Variants in SEPTIN4 observed in about 807,000 individuals in gnomAD.
The protein encoded by SEPTIN4 is septin 4.
SEPTIN4 carries 52 observed loss-of-function variants against 107.1 expected under a neutral mutation model. That is an observed-to-expected ratio of 0.49 (90% CI 0.39 to 0.61). The LOEUF (loss-of-function observed/expected upper bound fraction) is 0.61. Ranked by LOEUF, SEPTIN4 falls within the 20% of genes least tolerant of loss-of-function variation. SEPTIN4 has a pLI of 0.00. For missense variants in SEPTIN4, 1,048 were observed against 1,243.5 expected (o/e 0.84, Z 2.36); for synonymous variants, 417 against 467.0 (o/e 0.89, Z 1.38).
At chr17:58,525,931 GCA>G in intron 5 of SEPTIN4, 150 bp from the exon 6 acceptor site, 1 of 853,806 alleles carries the variant, frequency 1.2e-6, no homozygotes, top group Non-Finnish European at 1.8e-6. Flanking sequence ...CTGGGAGGAA[GCA>G]CAGAGATTGG....
chr17:58,524,446 C>T (rs896136419), intron 7 of SEPTIN4: 1 of 152,152 alleles, frequency 6.6e-6, no homozygotes, highest in Non-Finnish European at 1.5e-5. Flanking sequence ...GTGTGCGGCA[C>T]CTAAAATGTT....
chr17:58,524,529 A>G (rs577586639), intron 7 of SEPTIN4: 1 of 151,504 alleles, frequency 6.6e-6, no homozygotes, highest in South Asian at 2.1e-4. Flanking sequence ...ACATGTTTTC[A>G]CACTTCACAT....
intron 3 of SEPTIN4, among the ~76,000 whole-genome samples, chr17:58,533,948 T>G (rs1209338170): frequency 6.6e-6 from 1 of 152,148 alleles, no homozygotes; most frequent in Non-Finnish European, 1.5e-5. Context: ...TATTATAACA[T>G]GCCCCTCCCC....
intron 5 of SEPTIN4, 122 bp downstream of exon 5, chr17:58,526,098 C>A: frequency 8.7e-7 from 1 of 1,144,800 alleles, no homozygotes. Context: ...GGCTGTTTTG[C>A]AAAACAGTAC....
rs539096619 is a variant in SEPTIN4, at chr17:58,528,225, G to A, written c.1615-1247C>T. 3 of 160,208 alleles carry A rather than the reference G, an allele frequency of 1.9e-5. No individual in the cohort carries two copies. The East Asian group carries it at 5.8e-4, about 31-fold the overall frequency. 9.9% of individuals were successfully genotyped at this position (160,208 alleles called of 1,614,324 possible). A position where few individuals can be genotyped will look rare whatever the true frequency, so the allele number is the denominator to read the frequency against. On this transcript the variant is annotated intron_variant, in intron 3 of 13. Transcript: ENST00000672673. ...AAGATAGCCACAGTCTTCCTGCAAA[G>A]GGAAGAATTGAGGGAGGCAGATATG...
chr17:58,537,283 G>C (rs569769417), intron 3 of SEPTIN4, among the ~76,000 whole-genome samples: 1 of 152,312 alleles, frequency 6.6e-6, no homozygotes, highest in African/African-American at 2.4e-5. Flanking sequence ...CACCTGTCCT[G>C]GTCTGCCCAG....
At chr17:58,525,425 G>T in intron 6 of SEPTIN4, 1 of 627,836 alleles carries the variant, frequency 1.6e-6, no homozygotes, top group South Asian at 2.0e-5. Flanking sequence ...CCTCTTCTCT[G>T]CTCCCGGTTT....
rs1226639066 is a variant in SEPTIN4 at position 58,543,813 on chromosome 17, G to A, written c.374C>T (p.Pro125Leu). ...HASSRQWKVS[P>L]PREEAARRGS... is the part of the protein sequence containing the mutation. ...TCTTCGTGCTGCTTCCTCTCTGGGT[G>A]GACTAACTTTCCATTGTCTGCTTGA... Residue 125 changes from proline (P) to leucine (L), a missense_variant, in exon 1 of 14, where the codon CCA becomes CTA. Physicochemically the swap from Pro to Leu is moderately conservative, Grantham distance 98. This residue lies in a region of SEPTIN4 where 787 missense variants were observed against 871.8 expected (regional missense o/e 0.90). Coordinates refer to ENST00000672673, the MANE Select transcript of SEPTIN4 (RefSeq NM_001368771.2). 1 of 1,614,162 alleles carries A rather than the reference G, an allele frequency of 6.2e-7. No individual in the cohort carries two copies. Among genetic ancestry groups the A allele is most frequent in the Admixed American group, 1.7e-5 (1 of 60,018 alleles).
At chr17:58,525,458 T>C in intron 6 of SEPTIN4, 1 of 611,570 alleles carries the variant, frequency 1.6e-6, no homozygotes, top group Non-Finnish European at 2.9e-6. Context: ...CCTGGAATCC[T>C]TGGGGGTCAG....
At position 58,525,194 on chromosome 17, in the gene SEPTIN4, G is replaced by T. The variant is rs2042712241; in HGVS notation, c.2100C>A (p.Ile700=). 6.2e-7 allele frequency: 1 copy of T among 1,613,786 alleles called. No individual in the cohort carries two copies. Among genetic ancestry groups the T allele is most frequent in the Non-Finnish European group, 8.5e-7 (1 of 1,180,022 alleles). The part of the protein sequence containing the change: ...DRKLLGAEER[I]MQTVEITKHA... ...GCTTAGTGATCTCCACAGTTTGCATGATCCTCTCTGGAGAAAGGGGAAACT... is the reference window on the plus strand; with the variant it reads ...GCTTAGTGATCTCCACAGTTTGCATTATCCTCTCTGGAGAAAGGGGAAACT... Residue 700 remains isoleucine, a synonymous_variant, in exon 7 of 14, where the codon ATC becomes ATA. Transcript: ENST00000672673.
At chr17:58,524,949 GA>G (rs1259571376) in intron 7 of SEPTIN4, 128 bp downstream of exon 7, 2 of 1,152,956 alleles carry the variant, frequency 1.7e-6, no homozygotes, top group African/African-American at 3.1e-5. Flanking sequence ...TCCAGTAAGG[GA>G]AGTCACATGC....
chr17:58,529,936 C>T (rs2043321555), intron 3 of SEPTIN4: 1 of 152,114 alleles, frequency 6.6e-6, no homozygotes, highest in South Asian at 2.1e-4. Context: ...TGACCTCTGA[C>T]TTATAGCAAC....
At chr17:58,526,164 C>A in intron 5 of SEPTIN4, 56 bp downstream of exon 5, 4 of 1,519,226 alleles carry the variant, frequency 2.6e-6, no homozygotes, top group Non-Finnish European at 3.5e-6. Context: ...CACGGACACA[C>A]ACACCATCCC....
chr17:58,531,919 C>T (rs879470189), intron 3 of SEPTIN4: 5 of 1,136,248 alleles, frequency 4.4e-6, no homozygotes, highest in Admixed American at 4.9e-5. Flanking sequence ...CCTGCGCACC[C>T]CAGCCCTGCC....
rs1338346161 is a variant in SEPTIN4, at chr17:58,543,429, T to G, written c.758A>C (p.Tyr253Ser). 6.2e-7 allele frequency: 1 copy of G among 1,614,222 alleles called. No individual in the cohort carries two copies. Among genetic ancestry groups the G allele is most frequent in the Non-Finnish European group, 8.5e-7 (1 of 1,180,034 alleles). ...CTTGGGTTTTGAAGGAATTGGACCGTAAGGACCTGTTTCTGATTCTTCTAC... is the reference window on the plus strand; with the variant it reads ...CTTGGGTTTTGAAGGAATTGGACCGGAAGGACCTGTTTCTGATTCTTCTAC... ...VPVEESETGP[Y>S]GPIPSKPKAL... The change falls in exon 1 of 14, where the codon TAC (tyrosine) becomes TCC (serine). Residue 253 changes from tyrosine to serine, a missense_variant. Tyr to Ser is a moderately radical substitution (Grantham distance 144). Around this residue, in one of 2 missense-constraint regions of SEPTIN4, gnomAD observed 787 missense variants for 871.8 expected, o/e 0.90. Transcript: ENST00000672673.
Position 58,543,435 on chromosome 17 carries a change from C to T in SEPTIN4, c.752G>A (p.Gly251Asp), listed in dbSNP as rs1297730201. The change falls in exon 1 of 14, where the codon GGT becomes GAT. Residue 251 changes from glycine to aspartate, a missense_variant. Gly to Asp is a moderately conservative substitution (Grantham distance 94, BLOSUM62 -1). Coordinates refer to ENST00000672673, the MANE Select transcript of SEPTIN4 (RefSeq NM_001368771.2). ...TTTTGAAGGAATTGGACCGTAAGGA[C>T]CTGTTTCTGATTCTTCTACAGGGAC... ...RRVPVEESET[G>D]PYGPIPSKPK... is the part of the protein sequence containing the mutation. 1 of 1,614,166 alleles carries T rather than the reference C, an allele frequency of 6.2e-7. No individual in the cohort carries two copies. The highest frequency in any genetic ancestry group is 1.1e-5 in the South Asian group (1 of 91,084).
Position 58,526,764 on chromosome 17 carries a change from T to C in SEPTIN4, c.1829A>G (p.Tyr610Cys). The C allele has an allele frequency of 6.2e-7, 1 of 1,613,522 alleles. No individual in the cohort carries two copies. The highest frequency in any genetic ancestry group is 8.5e-7 in the Non-Finnish European group (1 of 1,179,858). The part of the protein sequence containing the change: ...SRPQSSDNQQ[Y>C]FCAPAPLSPS... Reference sequence around the variant, plus strand: ...GCTGAGAGGGGCTGGGGCACAGAAGTACTGCTGGTTGTCAGAGGACTGGGG... The same window carrying C: ...GCTGAGAGGGGCTGGGGCACAGAAGCACTGCTGGTTGTCAGAGGACTGGGG... The change falls in exon 4 of 14, where the codon TAC becomes TGC. Residue 610 changes from tyrosine to cysteine, a missense_variant. Around this residue, in one of 2 missense-constraint regions of SEPTIN4, gnomAD observed 787 missense variants for 871.8 expected, o/e 0.90. Transcript: ENST00000672673.
chr17:58,522,247 A>G, intron 7 of SEPTIN4, 146 bp from the exon 8 acceptor site: 1 of 1,059,084 alleles, frequency 9.4e-7, no homozygotes, highest in Non-Finnish European at 1.4e-6. Flanking sequence ...CTTTAGAGAA[A>G]TTCCTGAATG....
chr17:58,526,409 G>T, intron 4 of SEPTIN4, 96 bp from the exon 5 acceptor site: 1 of 1,379,940 alleles, frequency 7.2e-7, no homozygotes. Context: ...CTTTGCCCCA[G>T]CCTTAAAAAA....
Sources: gnomAD v4.1 joint callset for allele counts (sites outside exome capture counted in the v4.1 genomes callset) on GRCh38, gnomAD v4.1.1 for gene constraint, gnomAD v4.1.1 regional missense constraint, MANE v1.5 for transcripts, NCBI Gene and HGNC (gene_info 2026-07-23, HGNC 2026-07-21) for gene names.